Variants in TCHP observed in about 807,000 individuals in gnomAD.
TCHP encodes the protein trichoplein keratin filament-binding protein.
TCHP carries 81 observed loss-of-function variants against 88.7 expected under a neutral mutation model. The observed-to-expected ratio is 0.91, with a 90% CI of 0.76 to 1.10. TCHP has a LOEUF of 1.10. Among genes scored for constraint, TCHP ranks in the 50% least tolerant of loss-of-function variants. The probability of loss-of-function intolerance (pLI) is 0.00; values close to 1 mark genes in which losing one functional copy is unlikely to be tolerated. For synonymous variants in TCHP, 232 were observed against 232.5 expected (o/e 1.00, Z 0.02); for missense variants, 641 against 632.1 (o/e 1.01, Z -0.15).
chr12:109,904,781 G>A lies in TCHP; in HGVS notation c.444G>A (p.Pro148=), dbSNP rs139923209. 1,456 of 1,613,254 alleles carry A rather than the reference G, an allele frequency of 9.0e-4. 3 individuals are homozygous for A. Among genetic ancestry groups the A allele is most frequent in the South Asian group, 1.1e-3 (100 of 90,864 alleles). ...LLYEHWKKNN[P]KLREMELDLH... is the part of the protein sequence containing the mutation. Reference sequence around the variant, plus strand: ...ACGAACACTGGAAAAAGAACAACCCGAAACTTCGAGAGGTGAAAATCAGAG... The same window carrying A: ...ACGAACACTGGAAAAAGAACAACCCAAAACTTCGAGAGGTGAAAATCAGAG... Residue 148 remains proline, a synonymous_variant, in exon 4 of 13, where the codon CCG becomes CCA. Transcript: ENST00000405876.
At chr12:109,882,867 C>G in the TCHP span, among the ~76,000 whole-genome samples, 4 of 151,420 alleles carry the variant, frequency 2.6e-5, no homozygotes. Context: ...CCATGTTGGC[C>G]AGGCTGGTCT....
At chr12:109,901,537 G>A (rs1869794485) in intron 1 of TCHP, among the ~76,000 whole-genome samples, 1 of 152,056 alleles carries the variant, frequency 6.6e-6, no homozygotes, top group Non-Finnish European at 1.5e-5. Flanking sequence ...AACTGATAAG[G>A]TACTGAAACA....
chr12:109,914,642 A>G lies in TCHP; in HGVS notation c.1320+15A>G, dbSNP rs2136082822. ...TGGAAGCCCAGGTAGGGCTGAGCCC[A>G]AGGGCGGGAGGCACCGGGCCTGCCA... On this transcript the variant is annotated intron_variant, in intron 11 of 12. Transcript: ENST00000405876. 6.2e-7 allele frequency: 1 copy of G among 1,605,296 alleles called. No homozygotes were observed. Among genetic ancestry groups the G allele is most frequent in the African/African-American group, 1.3e-5 (1 of 74,926 alleles).
Position 109,916,816 on chromosome 12 carries a change from T to C in TCHP, c.*193T>C, listed in dbSNP as rs1643867706. The C allele has an allele frequency of 1.7e-6, 1 of 591,646 alleles. No homozygotes were observed. The highest frequency in any genetic ancestry group is 3.4e-5 in the Admixed American group (1 of 29,496). The allele number at this position is 591,646 out of a possible 1,614,324, so 36.6% of individuals were successfully genotyped here. A position where few individuals can be genotyped will look rare whatever the true frequency, so the allele number is the denominator to read the frequency against. ...CATTAAGGTGTCGTGAGAGTCCCTT[T>C]CATGCCTTTCTTACCCAAGCAAGGG... is the stretch of plus-strand genomic sequence containing the variant. On this transcript the variant is annotated 3_prime_UTR_variant, in exon 13 of 13. Transcript: ENST00000405876.
At chr12:109,887,182 G>T in the TCHP span, among the ~76,000 whole-genome samples, 4,663 of 152,148 alleles carry the variant, frequency 0.031, 244 homozygotes, top group African/African-American at 0.11. Flanking sequence ...CCAGCACTTT[G>T]GGAGGCCAAG....
At chr12:109,888,385 T>A in the TCHP span, 2 of 152,176 alleles carry the variant, frequency 1.3e-5, no homozygotes, top group Admixed American at 6.5e-5. Flanking sequence ...TCTCCATGAG[T>A]TGCAAACCCT....
At chr12:109,916,020 C>T (rs893846939) in intron 12 of TCHP, among the ~76,000 whole-genome samples, 1 of 152,170 alleles carries the variant, frequency 6.6e-6, no homozygotes, top group African/African-American at 2.4e-5. Flanking sequence ...TCTTTGTTCC[C>T]GGACCTGTCT....
intron 1 of TCHP, 82 bp from the exon 2 acceptor site, chr12:109,902,945 C>A: frequency 8.6e-7 from 1 of 1,159,614 alleles, no homozygotes; most frequent in South Asian, 1.8e-5. Context: ...GGGTGGTGAC[C>A]ACTCGTTAAA....
At chr12:109,893,534 G>T in the TCHP span, among the ~76,000 whole-genome samples, 1 of 152,134 alleles carries the variant, frequency 6.6e-6, no homozygotes, top group Non-Finnish European at 1.5e-5. Flanking sequence ...CTTTATGCTG[G>T]TGGCTTGCCT....
At chr12:109,885,879 G>T in the TCHP span, among the ~76,000 whole-genome samples, 1 of 151,804 alleles carries the variant, frequency 6.6e-6, no homozygotes, top group Non-Finnish European at 1.5e-5. Flanking sequence ...CTGAGCTCAA[G>T]AAATCTTCCC....
At chr12:109,915,609 C>T (rs1027077006) in intron 12 of TCHP, 63 bp downstream of exon 12, 1 of 1,521,668 alleles carries the variant, frequency 6.6e-7, no homozygotes. Flanking sequence ...GCCCCTGCTC[C>T]CCTGGGCCTG....
In TCHP at chr12:109,915,427, T is replaced by C; in HGVS notation, c.1345T>C (p.Trp449Arg). 2 of 1,614,062 alleles carry C rather than the reference T, an allele frequency of 1.2e-6. No individual in the cohort carries two copies. Residue 449 changes from tryptophan to arginine, a missense_variant, in exon 12 of 13, where the codon TGG (tryptophan) becomes CGG (arginine). By Grantham distance (101) the Trp-to-Arg change is moderately radical. Coordinates refer to ENST00000405876, the MANE Select transcript of TCHP (RefSeq NM_001143852.2). ...GGTTGCAGAGCGCCGGCTGCAGGCA[T>C]GGGAAGCAGACCAGCAGGAGGAGGA... is the stretch of plus-strand genomic sequence containing the variant. ...AQVAERRLQA[W>R]EADQQEEEEE... is the part of the protein sequence containing the mutation.
intron 1 of TCHP, among the ~76,000 whole-genome samples, chr12:109,902,522 G>A (rs1869861421): frequency 6.6e-6 from 1 of 151,502 alleles, no homozygotes; most frequent in East Asian, 1.9e-4. Context: ...CGCCTAGGCT[G>A]GAGTGCAGTG....
Position 109,917,039 on chromosome 12 carries a change from G to A in TCHP, c.*416G>A, listed in dbSNP as rs2136085732. The A allele has an allele frequency of 6.1e-6, 1 of 162,802 alleles. No homozygotes were observed. The highest frequency in any genetic ancestry group is 1.3e-5 in the Non-Finnish European group (1 of 75,468). 10.1% of individuals were successfully genotyped at this position (162,802 alleles called of 1,614,324 possible). On this transcript the variant is annotated 3_prime_UTR_variant, in exon 13 of 13. Coordinates refer to ENST00000405876, the MANE Select transcript of TCHP (RefSeq NM_001143852.2). ...GGAAAGCTTTTCAGTTTTTAAAATT[G>A]CCATTTAAATTTAGTCTATTAAAAA...
rs186636455 is a variant in TCHP at position 109,906,407 on chromosome 12, T to C, written c.457-165T>C. Among the ~76,000 whole-genome samples, 6 of 152,294 alleles carry C rather than the reference T, an allele frequency of 3.9e-5. No individual in the cohort carries two copies. In the East Asian group the frequency reaches 1.2e-3, roughly 29 times the overall value. Reference sequence around the variant, plus strand: ...TTGACATGCATTCACACTATACATGTTGAAGTCACCCCACGCTCTCTACTA... The same window carrying C: ...TTGACATGCATTCACACTATACATGCTGAAGTCACCCCACGCTCTCTACTA... On this transcript the variant is annotated intron_variant, in intron 4 of 12. Coordinates refer to ENST00000405876, the MANE Select transcript of TCHP (RefSeq NM_001143852.2).
chr12:109,903,313 A>G lies in TCHP; in HGVS notation c.188+99A>G. On this transcript the variant is annotated intron_variant, in intron 2 of 12. Transcript: ENST00000405876. This position sits in a 1 kb window ranked among gnomAD's most constrained non-coding sequence, Gnocchi z 4.6. ...TTAGGGAGCGTAGGATTTGCCAGGC[A>G]GTATGAATTACCTGCATGGTGATGT... The G allele has an allele frequency of 8.9e-7, 1 of 1,119,404 alleles. No individual in the cohort carries two copies. Among genetic ancestry groups the G allele is most frequent in the South Asian group, 1.8e-5 (1 of 57,038 alleles). 69.3% of individuals were successfully genotyped at this position (1,119,404 alleles called of 1,614,324 possible). A position where few individuals can be genotyped will look rare whatever the true frequency, so the allele number is the denominator to read the frequency against.
chr12:109,886,461 A>C, the TCHP span, among the ~76,000 whole-genome samples: 1 of 151,948 alleles, frequency 6.6e-6, no homozygotes, highest in Non-Finnish European at 1.5e-5. Context: ...TTAGTGGCTC[A>C]AATTGTCCAA....
At chr12:109,883,055 G>A in the TCHP span, among the ~76,000 whole-genome samples, 1 of 90,174 alleles carries the variant, frequency 1.1e-5, no homozygotes, top group African/African-American at 4.4e-5. Flanking sequence ...TTTTTTTTTT[G>A]AGAGACAGGA....
At chr12:109,889,635 G>A in the TCHP span, among the ~76,000 whole-genome samples, 1 of 152,312 alleles carries the variant, frequency 6.6e-6, no homozygotes, top group Admixed American at 6.5e-5. Context: ...TAGGACAGTA[G>A]CAATGCTAAC....
Sources: gnomAD v4.1 joint callset for allele counts (sites outside exome capture counted in the v4.1 genomes callset) on GRCh38, gnomAD v4.1.1 for gene constraint, Gnocchi (gnomAD v3.1) non-coding constraint, MANE v1.5 for transcripts, NCBI Gene and HGNC (gene_info 2026-07-23, HGNC 2026-07-21) for gene names.